The following LRRK2 variants were observed in gnomAD, a reference collection of about 807,000 sequenced individuals.
LRRK2 encodes leucine-rich repeat serine/threonine-protein kinase 2.
A neutral mutation model predicts 302.6 loss-of-function variants in LRRK2; 203 were observed. That is an observed-to-expected ratio of 0.67 (90% CI 0.60 to 0.75). LRRK2 has a LOEUF of 0.75. Ranked by LOEUF, LRRK2 falls within the 30% of genes least tolerant of loss-of-function variation. The pLI is 0.00. For missense variants in LRRK2, 2,830 were observed against 2,951.0 expected, an observed-to-expected ratio of 0.96 and a Z score of 0.95; for synonymous variants, 1,066 against 1,031.9, an observed-to-expected ratio of 1.03 and a Z score of -0.63.
intron 29 of LRRK2, 37 bp downstream of exon 29, chr12:40,308,733 C>G (rs1440234316): frequency 2.5e-6 from 4 of 1,585,362 alleles, no homozygotes; most frequent in Non-Finnish European, 3.5e-6. Context: ...TTCACTTTTA[C>G]CATTTGTTTG....
chr12:40,334,607 G>T (rs928647916), intron 39 of LRRK2, among the ~76,000 whole-genome samples: 1 of 152,118 alleles, frequency 6.6e-6, no homozygotes, highest in Non-Finnish European at 1.5e-5. Context: ...TCGTTAAGTA[G>T]AAGTGGATCA....
chr12:40,329,365 T>G (rs1473418843), intron 39 of LRRK2, among the ~76,000 whole-genome samples: 1 of 152,162 alleles, frequency 6.6e-6, no homozygotes, highest in Non-Finnish European at 1.5e-5. Context: ...ATGAGGAAAA[T>G]TAACGCTATT....
At chr12:40,320,288 G>C in intron 34 of LRRK2, 113 bp downstream of exon 34, 1 of 893,216 alleles carries the variant, frequency 1.1e-6, no homozygotes, top group South Asian at 1.8e-5. Flanking sequence ...AATATATTTT[G>C]CTTCTAGTGT....
intron 10 of LRRK2, among the ~76,000 whole-genome samples, chr12:40,251,988 A>T (rs1942295926): frequency 6.6e-6 from 1 of 152,136 alleles, no homozygotes; most frequent in Non-Finnish European, 1.5e-5. Flanking sequence ...GACAGAGTTG[A>T]CCTGTCTTCT....
In LRRK2 at chr12:40,251,328, C is replaced by T. The variant is rs1480975239; in HGVS notation, c.1055C>T (p.Ala352Val). The T allele has an allele frequency of 1.9e-6, 3 of 1,613,624 alleles. No individual in the cohort carries two copies. In the South Asian group the frequency reaches 3.3e-5, roughly 18 times the overall value. Reference protein sequence around the residue: ...GEEDKLFWLEACYKALTWHRK... With the variant: ...GEEDKLFWLEVCYKALTWHRK... ...GAAGATAAATTGTTTTGGCTGGAAGCCTGTTACAAAGCATTAACGTGGCAT... is the reference window on the plus strand; with the variant it reads ...GAAGATAAATTGTTTTGGCTGGAAGTCTGTTACAAAGCATTAACGTGGCAT... Residue 352 changes from alanine (A) to valine (V), a missense_variant, in exon 9 of 51, where the codon GCC (alanine) becomes GTC (valine). Transcript: ENST00000298910.
intron 23 of LRRK2, among the ~76,000 whole-genome samples, chr12:40,297,595 T>C (rs1944431045): frequency 1.3e-5 from 2 of 152,156 alleles, no homozygotes; most frequent in Non-Finnish European, 1.5e-5. Flanking sequence ...GATAAATATA[T>C]TGATAAATAA....
intron 4 of LRRK2, 83 bp downstream of exon 4, chr12:40,235,797 T>C: frequency 1.6e-6 from 1 of 606,770 alleles, no homozygotes; most frequent in South Asian, 2.4e-5. Context: ...GTGTGTGTTT[T>C]TTTTTTTTTT....
chr12:40,353,272 G>A (rs186253816), intron 44 of LRRK2, among the ~76,000 whole-genome samples: 132 of 13,036 alleles, frequency 0.01, 7 homozygotes, highest in African/African-American at 0.017. Flanking sequence ...CAGACGGGGC[G>A]GCTGCCGGGC....
At chr12:40,252,812 CTCT>C in intron 10 of LRRK2, 95 bp from the exon 11 acceptor site, 1 of 787,316 alleles carries the variant, frequency 1.3e-6, no homozygotes, top group Non-Finnish European at 2.2e-6. Flanking sequence ...TGTTTATATG[CTCT>C]TAATTGTTGT....
chr12:40,287,804 G>T (rs753749096), intron 20 of LRRK2, among the ~76,000 whole-genome samples: 1 of 151,788 alleles, frequency 6.6e-6, no homozygotes, highest in Non-Finnish European at 1.5e-5. Flanking sequence ...GAGATTCCAC[G>T]CTCTGTCATT....
In LRRK2 at chr12:40,367,146, T is replaced by C. The variant is rs1198885749; in HGVS notation, c.7462+69T>C. 2.4e-6 allele frequency: 3 copies of C among 1,234,580 alleles called. No individual in the cohort carries two copies. The East Asian group carries it at 7.2e-5, about 29-fold the overall frequency. The allele number at this position is 1,234,580 out of a possible 1,614,324, so 76.5% of individuals were successfully genotyped here. On this transcript the variant is annotated intron_variant, in intron 50 of 50. Coordinates refer to ENST00000298910, the MANE Select transcript of LRRK2 (RefSeq NM_198578.4). ...TGAATGATGGTAACATATTATGTGT[T>C]TCATAAATTTGTAGAAAATATTACA...
intron 6 of LRRK2, 61 bp downstream of exon 6, chr12:40,240,678 C>T (rs1241953798): frequency 1.4e-6 from 2 of 1,447,970 alleles, no homozygotes; most frequent in African/African-American, 2.8e-5. Context: ...ATATCTCATT[C>T]TGAGTATATT....
At chr12:40,353,448 C>T (rs982545289) in intron 44 of LRRK2, among the ~76,000 whole-genome samples, 1 of 151,432 alleles carries the variant, frequency 6.6e-6, no homozygotes, top group African/African-American at 2.4e-5. Flanking sequence ...AGCCGCTCAT[C>T]ACTTCCTAGA....
chr12:40,367,907 T>G lies in LRRK2; in HGVS notation c.*142T>G, dbSNP rs1370867173. 3 of 613,674 alleles carry G rather than the reference T, an allele frequency of 4.9e-6. No homozygotes were observed. In the East Asian group the frequency reaches 9.7e-5, roughly 20 times the overall value. 38.0% of individuals were successfully genotyped at this position (613,674 alleles called of 1,614,324 possible). A position where few individuals can be genotyped will look rare whatever the true frequency, so the allele number is the denominator to read the frequency against. ...TGAAGGAATGTTATTATTTTTAATTTAAATATATGTAAAAATACTTACCAG... is the reference window on the plus strand; with the variant it reads ...TGAAGGAATGTTATTATTTTTAATTGAAATATATGTAAAAATACTTACCAG... On this transcript the variant is annotated 3_prime_UTR_variant, in exon 51 of 51. Transcript: ENST00000298910.
At chr12:40,277,839 A>AT in intron 16 of LRRK2, 49 bp from the exon 17 acceptor site, 1 of 1,483,260 alleles carries the variant, frequency 6.7e-7, no homozygotes, top group Non-Finnish European at 9.1e-7. Context: ...CTGTTTATTC[A>AT]TTTTGCCTGT....
intron 3 of LRRK2, among the ~76,000 whole-genome samples, chr12:40,233,064 G>C (rs1941277165): frequency 1.3e-5 from 2 of 152,188 alleles, no homozygotes; most frequent in Admixed American, 1.3e-4. Context: ...TTTGTTTCTT[G>C]ACAGTTAAAA....
In LRRK2 at chr12:40,367,981, A is replaced by G. The variant is rs1219508420; in HGVS notation, c.*216A>G. On this transcript the variant is annotated 3_prime_UTR_variant, in exon 51 of 51. Coordinates refer to ENST00000298910, the MANE Select transcript of LRRK2 (RefSeq NM_198578.4). The stretch of plus-strand genomic sequence containing the variant: ...TTTAAAACACAATGTTATATTTCTT[A>G]TAAATACCAGTTACTTTCGTTCATT... 1 of 307,346 alleles carries G rather than the reference A, an allele frequency of 3.3e-6. No individual in the cohort carries two copies. The highest frequency in any genetic ancestry group is 4.8e-5 in the Admixed American group (1 of 20,756). 19.0% of individuals were successfully genotyped at this position (307,346 alleles called of 1,614,324 possible).
intron 33 of LRRK2, among the ~76,000 whole-genome samples, chr12:40,317,508 C>T (rs1254324181): frequency 2.0e-5 from 3 of 151,986 alleles, no homozygotes; most frequent in Non-Finnish European, 4.4e-5. Context: ...ACTCTATGCG[C>T]CCCGAGCTGT....
At chr12:40,318,098 G>A (rs946454546) in intron 33 of LRRK2, among the ~76,000 whole-genome samples, 2 of 152,032 alleles carry the variant, frequency 1.3e-5, no homozygotes, top group Admixed American at 1.3e-4. Flanking sequence ...ATCTTTCATG[G>A]TGGCTGGTTA....
Sources: gnomAD v4.1 joint callset for allele counts (sites outside exome capture counted in the v4.1 genomes callset) on GRCh38, gnomAD v4.1.1 for gene constraint, MANE v1.5 for transcripts, NCBI Gene and HGNC (gene_info 2026-07-23, HGNC 2026-07-21) for gene names.